The following PATL1 variants were observed in gnomAD, a reference collection of about 807,000 sequenced individuals.
The protein encoded by PATL1 is protein PAT1 homolog 1.
PATL1 carries 32 observed loss-of-function variants against 100.6 expected under a neutral mutation model. That is an observed-to-expected ratio of 0.32 (90% confidence interval 0.24 to 0.43). PATL1 has a LOEUF of 0.43. Ranked by LOEUF, PATL1 falls within the 20% of genes least tolerant of loss-of-function variation. The pLI is 1.00. For missense variants in PATL1, 747 were observed against 949.9 expected, an observed-to-expected ratio of 0.79 and a Z score of 2.81; for synonymous variants, 332 against 330.0, an observed-to-expected ratio of 1.01 and a Z score of -0.07.
intron 2 of PATL1, among the ~76,000 whole-genome samples, chr11:59,663,289 A>G (rs1169431936): frequency 6.6e-6 from 1 of 152,174 alleles, no homozygotes; most frequent in Non-Finnish European, 1.5e-5. Flanking sequence ...TAACCCCTGA[A>G]GCCTGTCTCA....
chr11:59,659,988 TA>T lies in PATL1; in HGVS notation c.128-520del, dbSNP rs1421698771. Reference sequence around the variant, plus strand: ...AAAGCAAATAACATTATACCAGGAATAAAATTCAAACATGTGAATTAATAGC... The same window carrying T: ...AAAGCAAATAACATTATACCAGGAATAAATTCAAACATGTGAATTAATAGC... On this transcript the variant is annotated intron_variant, in intron 2 of 18. Coordinates refer to ENST00000300146, the MANE Select transcript of PATL1 (RefSeq NM_152716.3). Among the ~76,000 whole-genome samples the T allele has an allele frequency of 3.2e-4, 49 of 152,322 alleles. No homozygotes were observed. In the South Asian group the frequency reaches 3.3e-3, roughly 10 times the overall value.
chr11:59,668,839 G>T, intron 1 of PATL1, 42 bp downstream of exon 1: 1 of 1,271,160 alleles, frequency 7.9e-7, no homozygotes, highest in Non-Finnish European at 1.1e-6. Context: ...GGAGAGGGGC[G>T]CGGGAGGGAG....
In PATL1 at chr11:59,654,062, G is replaced by A. The variant is rs374764164; in HGVS notation, c.1042C>T (p.Pro348Ser). 25 of 1,613,458 alleles carry A rather than the reference G, an allele frequency of 1.5e-5. No individual in the cohort carries two copies. In the African/African-American group the frequency reaches 3.2e-4, roughly 21 times the overall value. The change falls in exon 9 of 19, where the codon CCA becomes TCA. Residue 348 changes from proline (P) to serine (S), a missense_variant. Physicochemically the swap from Pro to Ser is moderately conservative, Grantham distance 74. This residue lies in a region of PATL1 where 434 missense variants were observed against 596.1 expected (regional missense o/e 0.73). Coordinates refer to ENST00000300146, the MANE Select transcript of PATL1 (RefSeq NM_152716.3). ...PHLQNLRSQA[P>S]MFRPDTTHLH... ...TGAGTTGTGTCCGGTCTAAACATTG[G>A]GGCCTGAGATCTAAGAAAAACGGAA...
At chr11:59,657,416 T>A (rs1861551466) in intron 5 of PATL1, 114 bp downstream of exon 5, 1 of 1,005,302 alleles carries the variant, frequency 9.9e-7, no homozygotes, top group Admixed American at 2.9e-5. Flanking sequence ...TATTTTTCTT[T>A]CTAATCTAAT....
intron 16 of PATL1, among the ~76,000 whole-genome samples, chr11:59,640,674 C>T (rs182545799): frequency 7.3e-5 from 11 of 151,008 alleles, no homozygotes; most frequent in South Asian, 2.1e-4. Flanking sequence ...GAGCTGCGAT[C>T]GCGCCACTGC....
intron 2 of PATL1, among the ~76,000 whole-genome samples, chr11:59,662,652 A>T (rs1861641669): frequency 6.6e-6 from 1 of 152,212 alleles, no homozygotes; most frequent in Non-Finnish European, 1.5e-5. Context: ...TTACTAACTT[A>T]GCAATGCCAC....
chr11:59,650,095 T>G (rs1317265012), intron 13 of PATL1, among the ~76,000 whole-genome samples: 1 of 131,502 alleles, frequency 7.6e-6, no homozygotes, highest in African/African-American at 3.0e-5. Flanking sequence ...CACTCCAGCC[T>G]GGGGAACAAG....
At chr11:59,653,688 G>C (rs916353821) in intron 9 of PATL1, among the ~76,000 whole-genome samples, 2 of 152,148 alleles carry the variant, frequency 1.3e-5, no homozygotes, top group African/African-American at 2.4e-5. Flanking sequence ...CCTTGGTATG[G>C]ATGTATCCTC....
chr11:59,641,589 C>CA (rs1324408271), intron 16 of PATL1, among the ~76,000 whole-genome samples: 1 of 151,894 alleles, frequency 6.6e-6, no homozygotes, highest in Non-Finnish European at 1.5e-5. Flanking sequence ...CCCACCTCTA[C>CA]AAAAAATACA....
rs375272798 is a variant in PATL1, at chr11:59,657,679, G to A, written c.472C>T (p.Pro158Ser). 5.6e-6 allele frequency: 9 copies of A among 1,613,534 alleles called. No individual in the cohort carries two copies. The highest frequency in any genetic ancestry group is 7.6e-6 in the Non-Finnish European group (9 of 1,179,714). Residue 158 changes from proline (P) to serine (S), a missense_variant, in exon 5 of 19, where the codon CCC (proline) becomes TCC (serine). Pro to Ser is a moderately conservative substitution (Grantham distance 74). Around this residue, in one of 4 missense-constraint regions of PATL1, gnomAD observed 183 missense variants for 221.2 expected, o/e 0.83. Coordinates refer to ENST00000300146, the MANE Select transcript of PATL1 (RefSeq NM_152716.3). ...SVLEYALPQR[P>S]PQGPEDDRDL... ...CGATCATCTTCTGGACCCTGGGGGG[G>A]CCTCTGAGGCAAAGCATATTCTAAT...
intron 12 of PATL1, 85 bp downstream of exon 12, chr11:59,651,459 C>CA: frequency 9.4e-7 from 1 of 1,066,644 alleles, no homozygotes; most frequent in Non-Finnish European, 1.4e-6. Flanking sequence ...ACAACTCTAC[C>CA]ATGCCTGATC....
intron 12 of PATL1, 105 bp from the exon 13 acceptor site, chr11:59,650,918 T>C (rs1051437394): frequency 1.9e-5 from 15 of 786,686 alleles, no homozygotes; most frequent in Admixed American, 3.0e-5. Flanking sequence ...GAGAAGATAA[T>C]TGATTCTCTG....
chr11:59,656,136 T>G (rs1387003946), intron 6 of PATL1, 91 bp from the exon 7 acceptor site: 1 of 754,606 alleles, frequency 1.3e-6, no homozygotes, highest in African/African-American at 1.9e-5. Context: ...CAGTATAAAC[T>G]TGGATATAAA....
chr11:59,648,903 G>A (rs376125894), intron 14 of PATL1, among the ~76,000 whole-genome samples: 36 of 152,326 alleles, frequency 2.4e-4, no homozygotes, highest in South Asian at 1.9e-3. Context: ...AAAGGGAGTT[G>A]TTAGAAGTTG....
In PATL1 at chr11:59,666,947, A is replaced by G; in HGVS notation, c.33T>C (p.Pro11=). MFRYESLEDC[P]LDEDEDAFQG... ...GAAATGCATCTTCATCTTCATCCAG[A>G]GGACAATCCTCCAAAGACTAAAAAA... The change falls in exon 2 of 19, where the codon CCT becomes CCC. Residue 11 remains proline, a synonymous_variant. Coordinates refer to ENST00000300146, the MANE Select transcript of PATL1 (RefSeq NM_152716.3). The G allele has an allele frequency of 6.5e-7, 1 of 1,549,986 alleles. No individual in the cohort carries two copies. The highest frequency in any genetic ancestry group is 8.7e-7 in the Non-Finnish European group (1 of 1,146,394).
chr11:59,668,921 G>A lies in PATL1; in HGVS notation c.-26C>T, dbSNP rs1162515595. On this transcript the variant is annotated 5_prime_UTR_variant, in exon 1 of 19. Coordinates refer to ENST00000300146, the MANE Select transcript of PATL1 (RefSeq NM_152716.3). ...TCTTGGGGAGGGGGGCAGGGAGCGGGGAGGGGAGAGGGGGAGGGAGGGAAG... is the reference window on the plus strand; with the variant it reads ...TCTTGGGGAGGGGGGCAGGGAGCGGAGAGGGGAGAGGGGGAGGGAGGGAAG... 1.5e-5 allele frequency: 8 copies of A among 532,258 alleles called. No homozygotes were observed. Among genetic ancestry groups the A allele is most frequent in the Non-Finnish European group, 1.6e-5 (5 of 320,784 alleles). 33.0% of individuals were successfully genotyped at this position (532,258 alleles called of 1,614,324 possible). A position where few individuals can be genotyped will look rare whatever the true frequency, so the allele number is the denominator to read the frequency against.
rs759916812 is a variant in PATL1, at chr11:59,659,331, C to A, written c.266G>T (p.Arg89Met). ...ATTTTCAATCACCATCTTACTGAGCCTTTCTGCCAGATTCTCCTCATGGTC... is the reference window on the plus strand; with the variant it reads ...ATTTTCAATCACCATCTTACTGAGCATTTCTGCCAGATTCTCCTCATGGTC... ...LGDHEENLAE[R>M]LSKMVIENEL... The change falls in exon 3 of 19, where the codon AGG becomes ATG. Residue 89 changes from arginine to methionine, a missense_variant. Around this residue, in one of 4 missense-constraint regions of PATL1, gnomAD observed 183 missense variants for 221.2 expected, o/e 0.83. Coordinates refer to ENST00000300146, the MANE Select transcript of PATL1 (RefSeq NM_152716.3). The A allele has an allele frequency of 6.4e-7, 1 of 1,551,408 alleles. No homozygotes were observed. The highest frequency in any genetic ancestry group is 8.7e-7 in the Non-Finnish European group (1 of 1,146,824).
intron 13 of PATL1, among the ~76,000 whole-genome samples, chr11:59,650,321 T>C (rs1156454983): frequency 6.6e-6 from 1 of 152,214 alleles, no homozygotes; most frequent in African/African-American, 2.4e-5. Flanking sequence ...GTGTATGGCC[T>C]TACAATGTGG....
chr11:59,660,842 C>T (rs972785682), intron 2 of PATL1, among the ~76,000 whole-genome samples: 1 of 152,164 alleles, frequency 6.6e-6, no homozygotes, highest in Non-Finnish European at 1.5e-5. Flanking sequence ...ACTATGTCTG[C>T]TATTACTGCA....
Sources: gnomAD v4.1 joint callset for allele counts (sites outside exome capture counted in the v4.1 genomes callset) on GRCh38, gnomAD v4.1.1 for gene constraint, gnomAD v4.1.1 regional missense constraint, MANE v1.5 for transcripts, NCBI Gene and HGNC (gene_info 2026-07-23, HGNC 2026-07-21) for gene names.